Variants in NLGN1 observed in about 807,000 individuals in gnomAD.
NLGN1 encodes neuroligin-1.
In NLGN1, 12 loss-of-function variants were observed where a neutral mutation model predicts 65.5. The ratio of observed to expected loss-of-function variants is 0.18; its 90% CI spans 0.12 to 0.30. The LOEUF (loss-of-function observed/expected upper bound fraction) is 0.30, where lower values mean the gene tolerates loss of function less well. Ranked by LOEUF, NLGN1 falls within the 10% of genes least tolerant of loss-of-function variation. The probability of loss-of-function intolerance (pLI) is 1.00; values close to 1 mark genes in which losing one functional copy is unlikely to be tolerated. For missense variants in NLGN1, 750 were observed against 1,007.1 expected (o/e 0.74, Z 3.46); for synonymous variants, 350 against 359.5 (o/e 0.97, Z 0.30).
intron 4 of NLGN1, among the ~76,000 whole-genome samples, chr3:174,272,693 A>G (rs921834018): frequency 5.1e-5 from 6 of 118,774 alleles, no homozygotes; most frequent in African/African-American, 1.6e-4. Context: ...ATAGATAGAT[A>G]GATAGATAGA....
Position 174,072,048 on chromosome 3 carries a change from T to C in NLGN1, c.647-203267T>C, listed in dbSNP as rs144221830. ...AGAATGAATTAAAAGGTGGAAAAGA[T>C]GCATAGTTGATAACAGAGAAGTAAA... On this transcript the variant is annotated intron_variant, in intron 4 of 6. Coordinates refer to ENST00000457714, the Ensembl canonical transcript of NLGN1. Among the ~76,000 whole-genome samples, 21 of 152,256 alleles carry C rather than the reference T, an allele frequency of 1.4e-4. No individual in the cohort carries two copies. In the East Asian group the frequency reaches 3.1e-3, roughly 22 times the overall value.
At chr3:173,859,178 C>A (rs1488426397) in intron 4 of NLGN1, among the ~76,000 whole-genome samples, 1 of 151,958 alleles carries the variant, frequency 6.6e-6, no homozygotes, top group South Asian at 2.1e-4. Flanking sequence ...CTTCCCAACA[C>A]AAGGGATTTG....
chr3:174,091,073 G>C (rs1266848299), intron 4 of NLGN1, among the ~76,000 whole-genome samples: 1 of 152,146 alleles, frequency 6.6e-6, no homozygotes, highest in African/African-American at 2.4e-5. Context: ...CTCTTTTTCA[G>C]ACAGCTCTGA....
chr3:173,984,946 G>A (rs1258485781), intron 4 of NLGN1, among the ~76,000 whole-genome samples: 1 of 152,200 alleles, frequency 6.6e-6, no homozygotes, highest in East Asian at 1.9e-4. Context: ...GGAGGCTGAG[G>A]CAGGAGAATT....
intron 4 of NLGN1, among the ~76,000 whole-genome samples, chr3:174,013,355 C>A (rs1725916526): frequency 6.6e-6 from 1 of 152,102 alleles, no homozygotes; most frequent in Non-Finnish European, 1.5e-5. Flanking sequence ...CTCAAAATAA[C>A]ACAAATTGGA....
exon 7 of NLGN1, chr3:174,285,777 GATTTT>G (rs1232997608): frequency 3.3e-5 from 5 of 151,310 alleles, no homozygotes; most frequent in African/African-American, 9.7e-5. Context: ...TTCCTCCTGA[GATTTT>G]ATTTATAAAA....
At position 174,275,887 on chromosome 3, in the gene NLGN1, C is replaced by G. The variant is rs113760705; in HGVS notation, c.859+360C>G. Among the ~76,000 whole-genome samples the G allele has an allele frequency of 6.9e-3, 1,052 of 151,928 alleles. 15 individuals are homozygous for G. The highest frequency in any genetic ancestry group is 0.024 in the African/African-American group (994 of 41,486). On this transcript the variant is annotated intron_variant, in intron 5 of 6. Transcript: ENST00000457714. The stretch of plus-strand genomic sequence containing the variant: ...AATCAAAGATGAGACTTTTTACATG[C>G]AGGGATTGTATATAATCTATTTTCA...
chr3:173,447,499 G>A (rs2148825806), intron 2 of NLGN1, among the ~76,000 whole-genome samples: 2 of 152,292 alleles, frequency 1.3e-5, no homozygotes, highest in East Asian at 3.9e-4. Context: ...CAGGTAACGT[G>A]ATGCCTCCAG....
chr3:173,614,879 A>C (rs1223778257), intron 3 of NLGN1, among the ~76,000 whole-genome samples: 1 of 152,152 alleles, frequency 6.6e-6, no homozygotes, highest in Non-Finnish European at 1.5e-5. Flanking sequence ...CCTTATTAAA[A>C]TGTTTGGAAG....
At chr3:174,123,735 C>G (rs1319646958) in intron 4 of NLGN1, among the ~76,000 whole-genome samples, 1 of 152,070 alleles carries the variant, frequency 6.6e-6, no homozygotes, top group East Asian at 1.9e-4. Flanking sequence ...TCCTGTGAAA[C>G]TGTAGTGGTC....
At chr3:173,923,504 C>G (rs1021430245) in intron 4 of NLGN1, among the ~76,000 whole-genome samples, 4 of 152,094 alleles carry the variant, frequency 2.6e-5, no homozygotes, top group African/African-American at 9.7e-5. Context: ...GTACATCTCT[C>G]TCTTCCTATA....
Position 174,280,295 on chromosome 3 carries a change from C to T in NLGN1, c.1650-186C>T, listed in dbSNP as rs1751319440. 1.3e-5 allele frequency among the ~76,000 whole-genome samples: 2 copies of T among 151,878 alleles called. No individual in the cohort carries two copies. Among genetic ancestry groups the T allele is most frequent in the Non-Finnish European group, 2.9e-5 (2 of 67,910 alleles). On this transcript the variant is annotated intron_variant, in intron 6 of 6. Coordinates refer to ENST00000457714, the Ensembl canonical transcript of NLGN1. The surrounding 1 kb of genome is among the most constrained non-coding windows in gnomAD (Gnocchi z 4.9). ...CAAGAATGTGAGACTTACTTGCCTT[C>T]CATTATCACCCATCTAACAATATGC...
At chr3:173,734,379 C>CTTTTTTTTTT (rs1773378211) in intron 3 of NLGN1, among the ~76,000 whole-genome samples, 5 of 59,048 alleles carry the variant, frequency 8.5e-5, no homozygotes, top group Non-Finnish European at 1.3e-4. Context: ...GTGGATAATT[C>CTTTTTTTTTT]TATTTTTTTT....
intron 4 of NLGN1, among the ~76,000 whole-genome samples, chr3:173,852,313 G>A (rs1476076310): frequency 8.8e-5 from 11 of 124,604 alleles, no homozygotes; most frequent in African/African-American, 2.7e-4. Context: ...CCGAGATCGC[G>A]CCACTGCACT....
At chr3:174,064,815 G>A (rs1738160119) in intron 4 of NLGN1, among the ~76,000 whole-genome samples, 1 of 150,224 alleles carries the variant, frequency 6.7e-6, no homozygotes, top group Non-Finnish European at 1.5e-5. Context: ...AGTAAAAAAA[G>A]AAATAAGAAT....
chr3:174,086,541 G>C (rs1743435710), intron 4 of NLGN1, among the ~76,000 whole-genome samples: 1 of 151,280 alleles, frequency 6.6e-6, no homozygotes, highest in African/African-American at 2.4e-5. Context: ...GTTAAGTTCA[G>C]AAAAGAATAC....
intron 4 of NLGN1, among the ~76,000 whole-genome samples, chr3:173,918,630 C>CAA (rs558281371): frequency 1.6e-5 from 1 of 61,446 alleles, no homozygotes; most frequent in Non-Finnish European, 3.3e-5. Context: ...GACTCCATCT[C>CAA]AAAAAAAAAA....
At chr3:173,567,813 TG>T (rs1743940861) in intron 2 of NLGN1, among the ~76,000 whole-genome samples, 2 of 152,072 alleles carry the variant, frequency 1.3e-5, no homozygotes, top group Admixed American at 1.3e-4. Context: ...GTATTGGACT[TG>T]ATTTACCTCT....
intron 2 of NLGN1, among the ~76,000 whole-genome samples, chr3:173,592,228 T>C (rs1225163043): frequency 6.6e-6 from 1 of 152,194 alleles, no homozygotes; most frequent in Non-Finnish European, 1.5e-5. Context: ...AAATAGAAAG[T>C]AAAACTTATA....
Sources: gnomAD v4.1 joint callset for allele counts (sites outside exome capture counted in the v4.1 genomes callset) on GRCh38, gnomAD v4.1.1 for gene constraint, Gnocchi (gnomAD v3.1) non-coding constraint, MANE v1.5 for transcripts, NCBI Gene and HGNC (gene_info 2026-07-23, HGNC 2026-07-21) for gene names.